CALN1: variants seen among roughly 807,000 people sequenced by gnomAD.
CALN1 encodes calneuron 1.
Under a neutral mutation model 30.6 loss-of-function variants are expected in CALN1, and 17 were observed. That is an observed-to-expected ratio of 0.56 (90% CI 0.38 to 0.83). CALN1 has a LOEUF of 0.83. CALN1 is among the 40% of genes least tolerant of loss of function. The probability of loss-of-function intolerance (pLI) is 0.00; values close to 1 mark genes in which losing one functional copy is unlikely to be tolerated. For missense variants in CALN1, 291 were observed against 354.9 expected, an observed-to-expected ratio of 0.82 and a Z score of 1.45; for synonymous variants, 156 against 131.4, an observed-to-expected ratio of 1.19 and a Z score of -1.28.
chr7:71,936,943 A>G (rs550438928), intron 5 of CALN1, among the ~76,000 whole-genome samples: 18 of 151,960 alleles, frequency 1.2e-4, no homozygotes, highest in East Asian at 5.8e-4. Flanking sequence ...CTGCCACCAT[A>G]TAAGAAGTGC....
At chr7:71,924,739 A>G (rs914450630) in intron 5 of CALN1, among the ~76,000 whole-genome samples, 32 of 152,270 alleles carry the variant, frequency 2.1e-4, no homozygotes, top group African/African-American at 7.2e-4. Context: ...CTCATTACAC[A>G]TAAGAGCCTG....
At chr7:72,255,234 C>T (rs1027309480) in intron 3 of CALN1, among the ~76,000 whole-genome samples, 15 of 151,526 alleles carry the variant, frequency 9.9e-5, no homozygotes, top group Admixed American at 4.6e-4. Context: ...TACAGGTGCC[C>T]GCCACCACAC....
At chr7:72,210,775 T>C (rs1792334792) in intron 3 of CALN1, among the ~76,000 whole-genome samples, 1 of 151,930 alleles carries the variant, frequency 6.6e-6, no homozygotes, top group African/African-American at 2.4e-5. Flanking sequence ...CAATGCAAGA[T>C]GAGATTTGGG....
intron 3 of CALN1, among the ~76,000 whole-genome samples, chr7:72,157,898 C>T (rs1393505822): frequency 6.6e-6 from 1 of 152,168 alleles, no homozygotes; most frequent in Non-Finnish European, 1.5e-5. Flanking sequence ...CACCCGCCAC[C>T]ATGCCTGGCT....
chr7:72,205,568 G>GATATATATATATA (rs1791799655), intron 3 of CALN1, among the ~76,000 whole-genome samples: 1 of 91,810 alleles, frequency 1.1e-5, no homozygotes, highest in Non-Finnish European at 1.8e-5. Context: ...ATATATATAT[G>GATATATATATATA]TATATATATA....
intron 5 of CALN1, among the ~76,000 whole-genome samples, chr7:71,826,754 G>T (rs184556927): frequency 7.0e-4 from 106 of 152,270 alleles, no homozygotes; most frequent in African/African-American, 2.5e-3. Context: ...TCTCATCATT[G>T]CAACCTCTGC....
chr7:72,198,376 G>T (rs1030011899), intron 3 of CALN1, among the ~76,000 whole-genome samples: 1 of 152,110 alleles, frequency 6.6e-6, no homozygotes, highest in African/African-American at 2.4e-5. Context: ...AGGATCGCAG[G>T]TACCTTGCTT....
At position 72,259,203 on chromosome 7, in the gene CALN1, C is replaced by A. The variant is rs75043616; in HGVS notation, c.244+19483G>T. ...CACCATTGACCACCTTGTGATCAAGCATGATTAAGACTACTGGGCCTTGGG... is the reference window on the plus strand; with the variant it reads ...CACCATTGACCACCTTGTGATCAAGAATGATTAAGACTACTGGGCCTTGGG... On this transcript the variant is annotated intron_variant, in intron 3 of 6. Transcript: ENST00000395275. Among the ~76,000 whole-genome samples, 242 of 152,144 alleles carry A rather than the reference C, an allele frequency of 1.6e-3. 1 individual carries two copies. Among genetic ancestry groups the A allele is most frequent in the African/African-American group, 5.6e-3 (232 of 41,488 alleles).
At chr7:72,261,264 C>A (rs1448106010) in intron 3 of CALN1, among the ~76,000 whole-genome samples, 1 of 151,988 alleles carries the variant, frequency 6.6e-6, no homozygotes, top group Non-Finnish European at 1.5e-5. Context: ...GCGGAGATCA[C>A]GCCACTGCAT....
At chr7:71,906,253 A>C (rs1314695673) in intron 5 of CALN1, among the ~76,000 whole-genome samples, 2 of 152,166 alleles carry the variant, frequency 1.3e-5, no homozygotes, top group Non-Finnish European at 2.9e-5. Context: ...GACATTGTGG[A>C]ATCTGGCAGC....
intron 4 of CALN1, among the ~76,000 whole-genome samples, chr7:72,059,879 T>G (rs1563020854): frequency 6.6e-6 from 1 of 152,196 alleles, no homozygotes; most frequent in Non-Finnish European, 1.5e-5. Flanking sequence ...TTTCCACTGC[T>G]GGCAGCTGTG....
chr7:71,926,860 A>G (rs1255528433), intron 5 of CALN1, among the ~76,000 whole-genome samples: 1 of 152,024 alleles, frequency 6.6e-6, no homozygotes, highest in Non-Finnish European at 1.5e-5. Context: ...TCTTTCTTAT[A>G]ACTTCTGTTG....
chr7:71,992,029 C>T (rs1163808941), intron 5 of CALN1, among the ~76,000 whole-genome samples: 3 of 152,064 alleles, frequency 2.0e-5, no homozygotes, highest in Admixed American at 6.6e-5. Flanking sequence ...TTCTTCCTTA[C>T]CTGTTAATAC....
At chr7:72,108,991 G>A (rs1457701136) in intron 3 of CALN1, among the ~76,000 whole-genome samples, 1 of 152,024 alleles carries the variant, frequency 6.6e-6, no homozygotes, top group Non-Finnish European at 1.5e-5. Context: ...CCTTTCTTGT[G>A]ACATCCAGCA....
At chr7:72,423,747 G>A (rs184839087) in intron 1 of CALN1, among the ~76,000 whole-genome samples, 133 of 151,954 alleles carry the variant, frequency 8.8e-4, no homozygotes, top group African/African-American at 3.0e-3. Context: ...AGCCCAGGAG[G>A]TGGAGGCTGC....
intron 5 of CALN1, among the ~76,000 whole-genome samples, chr7:71,986,052 TTC>T (rs139532652): frequency 0.025 from 3,679 of 147,814 alleles, 110 homozygotes; most frequent in African/African-American, 0.087. Flanking sequence ...GGATAAATCT[TTC>T]TCTTTTTTTT....
chr7:72,430,887 A>G (rs1274956972), intron 1 of CALN1, among the ~76,000 whole-genome samples: 1 of 152,116 alleles, frequency 6.6e-6, no homozygotes, highest in African/African-American at 2.4e-5. Flanking sequence ...GTTTTTGTCA[A>G]GGAGAATTAT....
intron 3 of CALN1, among the ~76,000 whole-genome samples, chr7:72,234,065 G>A (rs1413021110): frequency 6.6e-6 from 1 of 152,092 alleles, no homozygotes; most frequent in Non-Finnish European, 1.5e-5. Flanking sequence ...GAGAAACAAA[G>A]AGGAAACATA....
At chr7:72,084,994 T>C (rs1191564101) in intron 4 of CALN1, among the ~76,000 whole-genome samples, 2 of 152,218 alleles carry the variant, frequency 1.3e-5, no homozygotes, top group Admixed American at 6.5e-5. Context: ...AAGCTGTCTA[T>C]ACTACCTGCC....
Sources: gnomAD v4.1 joint callset for allele counts (sites outside exome capture counted in the v4.1 genomes callset) on GRCh38, gnomAD v4.1.1 for gene constraint, MANE v1.5 for transcripts, NCBI Gene and HGNC (gene_info 2026-07-23, HGNC 2026-07-21) for gene names.